FGF14: variants seen among roughly 807,000 people sequenced by gnomAD.
The protein encoded by FGF14 is fibroblast growth factor homologous factor 4.
In FGF14, 5 loss-of-function variants were observed where a neutral mutation model predicts 25.5. That is an observed-to-expected ratio of 0.20 (90% CI 0.10 to 0.41). The LOEUF (loss-of-function observed/expected upper bound fraction) is 0.41. Ranked by LOEUF, FGF14 falls within the 10% of genes least tolerant of loss-of-function variation. The pLI, the probability that FGF14 is intolerant of heterozygous loss-of-function variation, is 1.00. For synonymous variants in FGF14, 138 were observed against 118.3 expected, an observed-to-expected ratio of 1.17 and a Z score of -1.08; for missense variants, 222 against 320.1, an observed-to-expected ratio of 0.69 and a Z score of 2.34.
intron 1 of FGF14, among the ~76,000 whole-genome samples, chr13:102,103,402 C>T (rs903892075): frequency 6.6e-6 from 1 of 151,986 alleles, no homozygotes; most frequent in South Asian, 2.1e-4. Context: ...GAAACCAAGG[C>T]GATGGTACTC....
chr13:102,288,400 T>C (rs2141249604), intron 1 of FGF14, among the ~76,000 whole-genome samples: 1 of 152,276 alleles, frequency 6.6e-6, no homozygotes, highest in Admixed American at 6.5e-5. Context: ...ATTCATAGAA[T>C]TAAAACAAAA....
At chr13:102,172,007 T>G (rs965884688) in intron 1 of FGF14, among the ~76,000 whole-genome samples, 7 of 130,412 alleles carry the variant, frequency 5.4e-5, no homozygotes, top group Non-Finnish European at 4.9e-5. Context: ...TATTTATTTA[T>G]TTAGTAGGGA....
chr13:102,149,640 C>T (rs2046995263), intron 1 of FGF14, among the ~76,000 whole-genome samples: 1 of 152,216 alleles, frequency 6.6e-6, no homozygotes, highest in Non-Finnish European at 1.5e-5. Flanking sequence ...TGAAAGGAGA[C>T]TTTCCACTTG....
chr13:101,782,900 G>T (rs1470142518), intron 3 of FGF14, among the ~76,000 whole-genome samples: 3 of 152,068 alleles, frequency 2.0e-5, no homozygotes, highest in Non-Finnish European at 4.4e-5. Context: ...TGTGGTAATG[G>T]GATTGCTGAG....
Position 101,894,848 on chromosome 13 carries a change from C to T in FGF14, c.194-19552G>A, listed in dbSNP as rs866048084. On this transcript the variant is annotated intron_variant, in intron 1 of 4. Transcript: ENST00000376143. ...GTTGCTCTTTATTAGTCACCTTCAA[C>T]TTTGCCTTTCCAGCACAATTTGCAT... 2.0e-5 allele frequency among the ~76,000 whole-genome samples: 3 copies of T among 152,166 alleles called. No individual in the cohort carries two copies. In the South Asian group the frequency reaches 6.2e-4, roughly 31 times the overall value.
chr13:101,714,333 T>A lies in FGF14; in HGVS notation c.*8498A>T. ...CATTCAATACACTTTTACCTTTGGA[T>A]GATGGGTTATTAGAAGCCTGTTGTC... On this transcript the variant is annotated 3_prime_UTR_variant, in exon 5 of 5. Transcript: ENST00000376143. The A allele has an allele frequency of 1.3e-6, 1 of 743,690 alleles. No homozygotes were observed. Among genetic ancestry groups the A allele is most frequent in the South Asian group, 1.6e-5 (1 of 63,952 alleles). The allele number at this position is 743,690 out of a possible 1,614,324, so 46.1% of individuals were successfully genotyped here.
At chr13:102,032,086 T>C (rs970963228) in intron 1 of FGF14, among the ~76,000 whole-genome samples, 2 of 152,124 alleles carry the variant, frequency 1.3e-5, no homozygotes, top group Non-Finnish European at 2.9e-5. Context: ...AAGATACTGA[T>C]GACTGACTCC....
chr13:101,950,166 T>C (rs963098242), intron 1 of FGF14, among the ~76,000 whole-genome samples: 1 of 152,084 alleles, frequency 6.6e-6, no homozygotes, highest in African/African-American at 2.4e-5. Context: ...GGTTTCTAAG[T>C]CATTAAAGAG....
chr13:102,210,129 T>C (rs1022955372), intron 1 of FGF14, among the ~76,000 whole-genome samples: 1 of 151,526 alleles, frequency 6.6e-6, no homozygotes, highest in Non-Finnish European at 1.5e-5. Context: ...ATGATACTAA[T>C]GAAAATCTAA....
At chr13:102,093,180 G>A (rs2044244133) in intron 1 of FGF14, among the ~76,000 whole-genome samples, 1 of 148,580 alleles carries the variant, frequency 6.7e-6, no homozygotes, top group African/African-American at 2.4e-5. Flanking sequence ...AAACCATGTG[G>A]CTTAGAAATA....
At chr13:101,935,687 T>C (rs1254232494) in intron 1 of FGF14, among the ~76,000 whole-genome samples, 3 of 152,152 alleles carry the variant, frequency 2.0e-5, no homozygotes, top group African/African-American at 7.2e-5. Context: ...CTCTTTCCTT[T>C]ATAAATTACC....
At chr13:101,807,515 T>G (rs1160478470) in intron 3 of FGF14, among the ~76,000 whole-genome samples, 1 of 152,136 alleles carries the variant, frequency 6.6e-6, no homozygotes, top group Non-Finnish European at 1.5e-5. Context: ...GACTGTTTTT[T>G]GGATTATATG....
At chr13:101,816,122 T>C (rs2041832230) in intron 3 of FGF14, among the ~76,000 whole-genome samples, 1 of 151,024 alleles carries the variant, frequency 6.6e-6, no homozygotes, top group Admixed American at 6.6e-5. Flanking sequence ...TACAAAAAAT[T>C]AGCCGGGCGT....
intron 1 of FGF14, among the ~76,000 whole-genome samples, chr13:102,322,570 T>A (rs2056286262): frequency 6.6e-6 from 1 of 152,158 alleles, no homozygotes; most frequent in South Asian, 2.1e-4. Context: ...TGTCTTAAAT[T>A]TGAAGTCTTC....
At chr13:101,761,533 T>C (rs1173898296) in intron 3 of FGF14, among the ~76,000 whole-genome samples, 2 of 152,286 alleles carry the variant, frequency 1.3e-5, no homozygotes, top group African/African-American at 4.8e-5. Flanking sequence ...AGGTCGACTA[T>C]AGACAAATGC....
chr13:102,106,622 A>G (rs940606881), intron 1 of FGF14, among the ~76,000 whole-genome samples: 7 of 151,496 alleles, frequency 4.6e-5, no homozygotes, highest in African/African-American at 1.2e-4. Context: ...AAAAGAAAGA[A>G]AGAGAGAGAG....
intron 3 of FGF14, among the ~76,000 whole-genome samples, chr13:101,758,391 C>T (rs1566863711): frequency 1.3e-5 from 2 of 152,172 alleles, no homozygotes; most frequent in African/African-American, 4.8e-5. Flanking sequence ...GATGCTGATG[C>T]TGTTTGTCTA....
intron 3 of FGF14, among the ~76,000 whole-genome samples, chr13:101,806,931 AGAGT>A (rs944688326): frequency 1.3e-5 from 2 of 152,174 alleles, no homozygotes; most frequent in Admixed American, 6.5e-5. Flanking sequence ...ATACCTACTC[AGAGT>A]GACTTTTTTT....
At chr13:102,250,821 T>G (rs374853282) in intron 1 of FGF14, among the ~76,000 whole-genome samples, 3 of 152,230 alleles carry the variant, frequency 2.0e-5, no homozygotes, top group Admixed American at 2.0e-4. Flanking sequence ...GTAAAACATA[T>G]TTAGGAATGC....
Sources: gnomAD v4.1 joint callset for allele counts (sites outside exome capture counted in the v4.1 genomes callset) on GRCh38, gnomAD v4.1.1 for gene constraint, MANE v1.5 for transcripts, NCBI Gene and HGNC (gene_info 2026-07-23, HGNC 2026-07-21) for gene names.